Variants in MED28 observed in about 807,000 individuals in gnomAD.
The protein encoded by MED28 is mediator complex subunit 28, also known as mediator of RNA polymerase II transcription subunit 28.
A neutral mutation model predicts 21.3 loss-of-function variants in MED28; 26 were observed. The observed-to-expected ratio is 1.22, with a 90% CI of 0.89 to 1.69. The LOEUF is 1.69. Ranked by LOEUF, MED28 falls within the 40% of genes most tolerant of loss-of-function variation. The pLI, the probability that MED28 is intolerant of heterozygous loss-of-function variation, is 0.00. For missense variants in MED28, 257 were observed against 215.4 expected, an observed-to-expected ratio of 1.19 and a Z score of -1.21; for synonymous variants, 110 against 87.6, an observed-to-expected ratio of 1.26 and a Z score of -1.43.
In MED28 at chr4:17,614,879, A is replaced by G. The variant is rs1714401149; in HGVS notation, c.159+66A>G. The G allele has an allele frequency of 4.0e-6, 6 of 1,508,040 alleles. No homozygotes were observed. The Admixed American group carries it at 8.8e-5, about 22-fold the overall frequency. 93.4% of individuals were successfully genotyped at this position (1,508,040 alleles called of 1,614,324 possible). On this transcript the variant is annotated intron_variant, in intron 1 of 3. Coordinates refer to ENST00000237380, the MANE Select transcript of MED28 (RefSeq NM_025205.5). ...TTTTTCTGAAACGTGAACTGCGCGT[A>G]CGCGTATCTCCTCCAGGGATCCGAG...
chr4:17,615,056 C>G (rs1714407832), intron 1 of MED28, among the ~76,000 whole-genome samples: 1 of 152,212 alleles, frequency 6.6e-6, no homozygotes, highest in South Asian at 2.1e-4. Context: ...AAACCCCAAA[C>G]TTGGAACCCT....
At chr4:17,621,039 G>A (rs1473104954) in intron 2 of MED28, among the ~76,000 whole-genome samples, 4 of 132,046 alleles carry the variant, frequency 3.0e-5, no homozygotes, top group Non-Finnish European at 6.3e-5. Context: ...TTTTTGAGAC[G>A]GAGTCTCACT....
Position 17,620,692 on chromosome 4 carries a change from C to CTTTTTTTT in MED28, c.226+739_226+746dup, listed in dbSNP as rs146604205. Among the ~76,000 whole-genome samples the CTTTTTTTT allele has an allele frequency of 4.6e-5, 5 of 108,900 alleles. 1 individual carries two copies. The highest frequency in any genetic ancestry group is 2.9e-4 in the South Asian group (1 of 3,444). 71.4% of individuals were successfully genotyped at this position (108,900 alleles called of 152,430 possible). A position where few individuals can be genotyped will look rare whatever the true frequency, so the allele number is the denominator to read the frequency against. On this transcript the variant is annotated intron_variant, in intron 2 of 3. Transcript: ENST00000237380. ...TGATTGCTGGATCTCTGCATTGTCTCTTTTTTTTTTTTTTTTTTTTTGGAG... is the reference window on the plus strand; with the variant it reads ...TGATTGCTGGATCTCTGCATTGTCTCTTTTTTTTTTTTTTTTTTTTTTTTTTTTTGGAG...
intron 1 of MED28, among the ~76,000 whole-genome samples, chr4:17,615,338 C>G (rs1169036875): frequency 6.6e-6 from 1 of 152,174 alleles, no homozygotes; most frequent in Non-Finnish European, 1.5e-5. Context: ...CCCAATCTCT[C>G]AGTTTTGCCC....
intron 1 of MED28, among the ~76,000 whole-genome samples, chr4:17,616,670 T>C (rs1445396864): frequency 6.6e-6 from 1 of 152,228 alleles, no homozygotes; most frequent in Admixed American, 6.5e-5. Context: ...CAGTGGACCC[T>C]TCCCTGGCCT....
chr4:17,614,679 T>C lies in MED28; in HGVS notation c.25T>C (p.Phe9Leu). 6.2e-7 allele frequency: 1 copy of C among 1,613,046 alleles called. No homozygotes were observed. Residue 9 changes from phenylalanine (F) to leucine (L), a missense_variant, in exon 1 of 4, where the codon TTT (phenylalanine) becomes CTT (leucine). By Grantham distance (22) the Phe-to-Leu change is conservative. Coordinates refer to ENST00000237380, the MANE Select transcript of MED28 (RefSeq NM_025205.5). ...CATGGCGGCTCCACTAGGGGGTATG[T>C]TTTCTGGGCAGCCACCCGGTCCCCC... MAAPLGGM[F>L]SGQPPGPPQA...
Position 17,627,515 on chromosome 4 carries a change from GT to G in MED28, c.*3719del, listed in dbSNP as rs1714800065. On this transcript the variant is annotated 3_prime_UTR_variant, in exon 4 of 4. Coordinates refer to ENST00000237380, the MANE Select transcript of MED28 (RefSeq NM_025205.5). ...GGTGTTTGGTCCTGGGCCTCTGGAGGTTGTGAAGGAGCACTGCTCAGTCCTC... is the reference window on the plus strand; with the variant it reads ...GGTGTTTGGTCCTGGGCCTCTGGAGGTGTGAAGGAGCACTGCTCAGTCCTC... The G allele has an allele frequency of 6.6e-6, 1 of 152,260 alleles. No individual in the cohort carries two copies. Among genetic ancestry groups the G allele is most frequent in the African/African-American group, 2.4e-5 (1 of 41,446 alleles). 9.4% of individuals were successfully genotyped at this position (152,260 alleles called of 1,614,324 possible).
rs1715034457 is a variant in MED28, at chr4:17,633,701, T to A, written c.*9903T>A. ...ACATCCCCCAAACCTTGTGGCAGTT[T>A]TTGCATCTGTAGACTGGTTGGGTTT... On this transcript the variant is annotated 3_prime_UTR_variant, in exon 4 of 4. Transcript: ENST00000237380. 1 of 1,534,614 alleles carries A rather than the reference T, an allele frequency of 6.5e-7. No individual in the cohort carries two copies. Among genetic ancestry groups the A allele is most frequent in the Non-Finnish European group, 8.8e-7 (1 of 1,138,494 alleles).
chr4:17,623,962 T>G lies in MED28; in HGVS notation c.*164T>G, dbSNP rs1714707753. On this transcript the variant is annotated 3_prime_UTR_variant, in exon 4 of 4. Transcript: ENST00000237380. ...ATTTTCCACTATTTTTATAAGCTGT[T>G]AATTTCTTGAGTACTTTATAACATG... The G allele has an allele frequency of 1.4e-6, 1 of 716,740 alleles. No individual in the cohort carries two copies. Among genetic ancestry groups the G allele is most frequent in the African/African-American group, 1.8e-5 (1 of 55,882 alleles). The allele number at this position is 716,740 out of a possible 1,614,324, so 44.4% of individuals were successfully genotyped here. A position where few individuals can be genotyped will look rare whatever the true frequency, so the allele number is the denominator to read the frequency against.
At chr4:17,622,409 T>C (rs781052954) in intron 3 of MED28, among the ~76,000 whole-genome samples, 1 of 152,228 alleles carries the variant, frequency 6.6e-6, no homozygotes, top group Non-Finnish European at 1.5e-5. Context: ...TAGCTATTCT[T>C]ACAGTTTATC....
intron 1 of MED28, among the ~76,000 whole-genome samples, chr4:17,618,218 A>ATG (rs1477648877): frequency 6.6e-6 from 1 of 151,976 alleles, no homozygotes; most frequent in Admixed American, 6.6e-5. Context: ...CACGTTGCCC[A>ATG]TGCTGGTCTT....
In MED28 at chr4:17,631,337, A is replaced by G. The variant is rs917529196; in HGVS notation, c.*7539A>G. On this transcript the variant is annotated 3_prime_UTR_variant, in exon 4 of 4. Transcript: ENST00000237380. ...TAGCTGGGTTTTCTTTGGGCTAATT[A>G]TTTTTTTGTAGAGATGGAGGTCTCG... 5.3e-5 allele frequency: 8 copies of G among 150,154 alleles called. No homozygotes were observed. The highest frequency in any genetic ancestry group is 2.0e-4 in the African/African-American group (8 of 39,736). 9.3% of individuals were successfully genotyped at this position (150,154 alleles called of 1,614,324 possible). A position where few individuals can be genotyped will look rare whatever the true frequency, so the allele number is the denominator to read the frequency against.
At chr4:17,619,618 G>A (rs987546548) in intron 1 of MED28, among the ~76,000 whole-genome samples, 1 of 152,146 alleles carries the variant, frequency 6.6e-6, no homozygotes, top group Admixed American at 6.5e-5. Flanking sequence ...CTGGAAGAGT[G>A]TCTGGGCCTG....
At position 17,623,844 on chromosome 4, in the gene MED28, G is replaced by A; in HGVS notation, c.*46G>A. ...GCCTATGAGTGGGCTGATGCGTGAG[G>A]TTGGCCACACATTCCTTCCTGTGGA... On this transcript the variant is annotated 3_prime_UTR_variant, in exon 4 of 4. Transcript: ENST00000237380. The A allele has an allele frequency of 1.3e-6, 2 of 1,564,044 alleles. No individual in the cohort carries two copies. Among genetic ancestry groups the A allele is most frequent in the Non-Finnish European group, 1.7e-6 (2 of 1,146,510 alleles).
intron 3 of MED28, among the ~76,000 whole-genome samples, chr4:17,622,305 T>C (rs905559911): frequency 1.3e-5 from 2 of 152,216 alleles, no homozygotes; most frequent in African/African-American, 2.4e-5. Context: ...TGAGAAACAC[T>C]GAATTGAGAT....
rs890140453 is a variant in MED28 at position 17,625,354 on chromosome 4, C to T, written c.*1556C>T. Reference sequence around the variant, plus strand: ...CATCAACAAATCCCCTCAGTTACAACGTATAGGTTAAACAAAGCTTTTAAA... The same window carrying T: ...CATCAACAAATCCCCTCAGTTACAATGTATAGGTTAAACAAAGCTTTTAAA... On this transcript the variant is annotated 3_prime_UTR_variant, in exon 4 of 4. Transcript: ENST00000237380. The T allele has an allele frequency of 2.6e-5, 5 of 190,950 alleles. No homozygotes were observed. The highest frequency in any genetic ancestry group is 9.5e-5 in the African/African-American group (4 of 42,018). 11.8% of individuals were successfully genotyped at this position (190,950 alleles called of 1,614,324 possible).
At chr4:17,617,848 A>G (rs1405117149) in intron 1 of MED28, among the ~76,000 whole-genome samples, 2 of 152,016 alleles carry the variant, frequency 1.3e-5, no homozygotes, top group African/African-American at 4.8e-5. Context: ...CAGAGGTTGC[A>G]TTGAGCCAAG....
intron 1 of MED28, 98 bp downstream of exon 1, chr4:17,614,911 A>AT (rs1456773463): frequency 7.3e-7 from 1 of 1,375,180 alleles, no homozygotes; most frequent in Non-Finnish European, 9.9e-7. Flanking sequence ...CGAGCAACTA[A>AT]TTCACAAATG....
At position 17,629,344 on chromosome 4, in the gene MED28, C is replaced by G. The variant is rs1450247318; in HGVS notation, c.*5546C>G. 1 of 152,108 alleles carries G rather than the reference C, an allele frequency of 6.6e-6. No homozygotes were observed. The highest frequency in any genetic ancestry group is 1.5e-5 in the Non-Finnish European group (1 of 68,032). The allele number at this position is 152,108 out of a possible 1,614,324, so 9.4% of individuals were successfully genotyped here. On this transcript the variant is annotated 3_prime_UTR_variant, in exon 4 of 4. Coordinates refer to ENST00000237380, the MANE Select transcript of MED28 (RefSeq NM_025205.5). ...AGTAAGATGGTCCCTATCATAGTTC[C>G]ATTTAATTTGCCAGCCTCATCTGCA...
Sources: allele counts gnomAD v4.1 joint callset (sites outside exome capture counted in the v4.1 genomes callset), GRCh38; gene constraint gnomAD v4.1.1; transcripts MANE v1.5; gene names NCBI Gene and HGNC (gene_info 2026-07-23, HGNC 2026-07-21).